The following LDLRAD3 variants were observed in gnomAD, a reference collection of about 807,000 sequenced individuals.
The protein encoded by LDLRAD3 is low density lipoprotein receptor class A domain containing 3, also known as low-density lipoprotein receptor class A domain-containing protein 3.
Under a neutral mutation model 29.4 loss-of-function variants are expected in LDLRAD3, and 20 were observed. The observed-to-expected ratio is 0.68, with a 90% CI of 0.48 to 0.99. The LOEUF (loss-of-function observed/expected upper bound fraction) is 0.99. Ranked by LOEUF, LDLRAD3 falls within the 50% of genes least tolerant of loss-of-function variation. LDLRAD3 has a pLI of 0.00. For synonymous variants in LDLRAD3, 157 were observed against 192.7 expected (o/e 0.81, Z 1.53); for missense variants, 420 against 454.3 (o/e 0.92, Z 0.69).
chr11:36,049,516 A>G (rs995552550), intron 2 of LDLRAD3, among the ~76,000 whole-genome samples: 5 of 152,228 alleles, frequency 3.3e-5, no homozygotes, highest in South Asian at 2.1e-4. Flanking sequence ...CTTTGAAGTC[A>G]AAAGGTAACT....
At chr11:36,119,155 A>G (rs1289755107) in intron 4 of LDLRAD3, among the ~76,000 whole-genome samples, 4 of 152,180 alleles carry the variant, frequency 2.6e-5, no homozygotes, top group Admixed American at 6.5e-5. Context: ...TATCCACCAC[A>G]AAAGATAAGC....
At chr11:36,007,588 C>T (rs1382049275) in intron 1 of LDLRAD3, among the ~76,000 whole-genome samples, 2 of 152,152 alleles carry the variant, frequency 1.3e-5, no homozygotes, top group African/African-American at 2.4e-5. Context: ...CTTGGGAAGG[C>T]ATTTCTTCAG....
At chr11:36,104,870 C>T (rs553008463) in intron 4 of LDLRAD3, among the ~76,000 whole-genome samples, 6 of 152,228 alleles carry the variant, frequency 3.9e-5, no homozygotes, top group Non-Finnish European at 5.9e-5. Context: ...GACTTTCAGG[C>T]GGTCAGTCCT....
In LDLRAD3 at chr11:36,230,713, T is replaced by C. The variant is rs1470109382; in HGVS notation, c.*1316T>C. The C allele has an allele frequency of 3.3e-5, 5 of 152,674 alleles. No individual in the cohort carries two copies. The highest frequency in any genetic ancestry group is 1.5e-5 in the Non-Finnish European group (1 of 68,054). The allele number at this position is 152,674 out of a possible 1,614,324, so 9.5% of individuals were successfully genotyped here. A position where few individuals can be genotyped will look rare whatever the true frequency, so the allele number is the denominator to read the frequency against. On this transcript the variant is annotated 3_prime_UTR_variant, in exon 6 of 6. Coordinates refer to ENST00000315571, the MANE Select transcript of LDLRAD3 (RefSeq NM_174902.4). ...TTCTAGTTAAGGGACTATTTATATG[T>C]GTATAGGAAAGCTGTCTCTTTTTTT...
At chr11:36,089,109 C>A (rs1379131853) in intron 3 of LDLRAD3, among the ~76,000 whole-genome samples, 3 of 152,178 alleles carry the variant, frequency 2.0e-5, no homozygotes, top group Non-Finnish European at 4.4e-5. Flanking sequence ...ATAAATGGTA[C>A]TTCTCATGCT....
Position 36,227,077 on chromosome 11 carries a change from T to C in LDLRAD3, c.455-8T>C. On this transcript the variant is annotated splice_region_variant and splice_polypyrimidine_tract_variant and intron_variant, in intron 4 of 5. Transcript: ENST00000315571. ...TCTCTCTTTTCTCTCCTCTCTTGGGTTTCTCAGAACCCGGCAGTGGGCAGG... is the reference window on the plus strand; with the variant it reads ...TCTCTCTTTTCTCTCCTCTCTTGGGCTTCTCAGAACCCGGCAGTGGGCAGG... 6.4e-7 allele frequency: 1 copy of C among 1,569,936 alleles called. No individual in the cohort carries two copies. The highest frequency in any genetic ancestry group is 8.7e-7 in the Non-Finnish European group (1 of 1,153,054).
chr11:36,217,848 G>A (rs12421400), intron 4 of LDLRAD3, among the ~76,000 whole-genome samples: 10,223 of 152,226 alleles, frequency 0.067, 452 homozygotes, highest in East Asian at 0.2. Context: ...GCCCTTGTCT[G>A]TTTCTGTGTC....
At chr11:36,012,890 TGAAAA>T (rs1288309045) in intron 1 of LDLRAD3, among the ~76,000 whole-genome samples, 1 of 152,160 alleles carries the variant, frequency 6.6e-6, no homozygotes, top group Admixed American at 6.5e-5. Context: ...ATGGAAAAGT[TGAAAA>T]GAAAAAAGTC....
intron 1 of LDLRAD3, chr11:35,967,231 T>G (rs890640040): frequency 4.8e-6 from 1 of 208,282 alleles, no homozygotes; most frequent in African/African-American, 2.3e-5. Flanking sequence ...AGAGCTCTTC[T>G]GCTTTCCCCA....
At chr11:35,985,445 A>C (rs1565143068) in intron 1 of LDLRAD3, among the ~76,000 whole-genome samples, 1 of 152,044 alleles carries the variant, frequency 6.6e-6, no homozygotes, top group Admixed American at 6.6e-5. Context: ...GGCCATTGGG[A>C]TGGTAGGCTG....
At chr11:36,190,101 G>T (rs1416955546) in intron 4 of LDLRAD3, among the ~76,000 whole-genome samples, 1 of 151,670 alleles carries the variant, frequency 6.6e-6, no homozygotes, top group African/African-American at 2.4e-5. Flanking sequence ...AGAAAGAGGA[G>T]AAAAGCATTT....
intron 3 of LDLRAD3, among the ~76,000 whole-genome samples, chr11:36,095,089 G>A (rs1853339512): frequency 6.6e-6 from 1 of 152,200 alleles, no homozygotes; most frequent in African/African-American, 2.4e-5. Flanking sequence ...AGGAGGCTGA[G>A]GTGGGAGGAT....
At chr11:36,119,847 A>T (rs1853727936) in intron 4 of LDLRAD3, among the ~76,000 whole-genome samples, 1 of 152,184 alleles carries the variant, frequency 6.6e-6, no homozygotes, top group South Asian at 2.1e-4. Context: ...GGTCCAACTC[A>T]TCTATTTTGT....
At chr11:36,117,409 A>C (rs1032289141) in intron 4 of LDLRAD3, among the ~76,000 whole-genome samples, 2 of 152,022 alleles carry the variant, frequency 1.3e-5, no homozygotes, top group African/African-American at 4.8e-5. Flanking sequence ...TATGAACTGA[A>C]ACAAAAGCAA....
intron 4 of LDLRAD3, chr11:36,196,677 C>T (rs1855038038): frequency 6.6e-6 from 1 of 152,350 alleles, no homozygotes; most frequent in African/African-American, 2.4e-5. Context: ...CTGGTACACG[C>T]AGTCCTAATC....
At chr11:36,200,348 C>T (rs1365554115) in intron 4 of LDLRAD3, among the ~76,000 whole-genome samples, 2 of 152,056 alleles carry the variant, frequency 1.3e-5, no homozygotes, top group African/African-American at 4.8e-5. Context: ...TCCGGTGTTC[C>T]CTCTTCACTG....
At chr11:36,152,881 A>T (rs760764823) in intron 4 of LDLRAD3, among the ~76,000 whole-genome samples, 1 of 152,140 alleles carries the variant, frequency 6.6e-6, no homozygotes, top group Admixed American at 6.5e-5. Flanking sequence ...CTCTTAGCAA[A>T]TCTTCACAAT....
intron 2 of LDLRAD3, among the ~76,000 whole-genome samples, chr11:36,078,054 A>G (rs1288834170): frequency 6.6e-6 from 1 of 152,182 alleles, no homozygotes; most frequent in East Asian, 1.9e-4. Flanking sequence ...ATGAGTGTTC[A>G]GCTCTCAGCA....
chr11:35,989,637 G>A (rs1188789092), intron 1 of LDLRAD3, among the ~76,000 whole-genome samples: 2 of 152,078 alleles, frequency 1.3e-5, no homozygotes, highest in Non-Finnish European at 2.9e-5. Flanking sequence ...GGTTAGGTAT[G>A]TATTTTATTT....
Sources: allele counts gnomAD v4.1 joint callset (sites outside exome capture counted in the v4.1 genomes callset), GRCh38; gene constraint gnomAD v4.1.1; transcripts MANE v1.5; gene names NCBI Gene and HGNC (gene_info 2026-07-23, HGNC 2026-07-21).